The following PTPN1 variants were observed in gnomAD, a reference collection of about 807,000 sequenced individuals.
PTPN1 encodes protein tyrosine phosphatase non-receptor type 1, also known as tyrosine-protein phosphatase non-receptor type 1.
Under a neutral mutation model 59.9 loss-of-function variants are expected in PTPN1, and 12 were observed. The observed-to-expected ratio is 0.20, with a 90% CI of 0.13 to 0.32. The LOEUF is 0.32. PTPN1 is among the 10% of genes least tolerant of loss of function. PTPN1 has a pLI of 1.00. For synonymous variants in PTPN1, 178 were observed against 203.6 expected, an observed-to-expected ratio of 0.87 and a Z score of 1.07; for missense variants, 356 against 549.2, an observed-to-expected ratio of 0.65 and a Z score of 3.52.
intron 1 of PTPN1, among the ~76,000 whole-genome samples, chr20:50,533,886 G>A (rs1002485870): frequency 2.0e-5 from 3 of 152,082 alleles, no homozygotes; most frequent in African/African-American, 7.2e-5. Context: ...TAATAGTTAT[G>A]AGCACAGAAG....
At chr20:50,521,572 T>C (rs1026395988) in intron 1 of PTPN1, among the ~76,000 whole-genome samples, 7 of 152,236 alleles carry the variant, frequency 4.6e-5, no homozygotes, top group Non-Finnish European at 8.8e-5. Flanking sequence ...GGGATTGTGC[T>C]AAGCCTCCCC....
At chr20:50,521,474 C>T (rs2082550528) in intron 1 of PTPN1, among the ~76,000 whole-genome samples, 1 of 152,258 alleles carries the variant, frequency 6.6e-6, no homozygotes, top group Admixed American at 6.5e-5. Flanking sequence ...TCAGTCTTCT[C>T]CTGTGTCCTG....
chr20:50,579,621 C>A, intron 7 of PTPN1, 82 bp from the exon 8 acceptor site: 2 of 1,256,352 alleles, frequency 1.6e-6, no homozygotes, highest in Non-Finnish European at 2.3e-6. Flanking sequence ...GCCAAGCCGT[C>A]ACCTCTGCTC....
Position 50,583,996 on chromosome 20 carries a change from C to T in PTPN1, c.*1281C>T, listed in dbSNP as rs750884848. ...GGTGACGGTCCTTTAGGCAGCCTGCCGCCGTCTCTGTCCCGGTTCACCTTG... is the reference window on the plus strand; with the variant it reads ...GGTGACGGTCCTTTAGGCAGCCTGCTGCCGTCTCTGTCCCGGTTCACCTTG... On this transcript the variant is annotated 3_prime_UTR_variant, in exon 10 of 10. Transcript: ENST00000371621. 4 of 152,642 alleles carry T rather than the reference C, an allele frequency of 2.6e-5. No individual in the cohort carries two copies. Among genetic ancestry groups the T allele is most frequent in the Admixed American group, 6.5e-5 (1 of 15,282 alleles). The allele number at this position is 152,642 out of a possible 1,614,324, so 9.5% of individuals were successfully genotyped here. A position where few individuals can be genotyped will look rare whatever the true frequency, so the allele number is the denominator to read the frequency against.
chr20:50,513,472 C>T (rs1437262639), intron 1 of PTPN1, among the ~76,000 whole-genome samples: 4 of 152,082 alleles, frequency 2.6e-5, no homozygotes, highest in East Asian at 3.9e-4. Flanking sequence ...GGGTTGGGTC[C>T]GGTGTTTTGC....
At chr20:50,511,818 A>G (rs2082508775) in intron 1 of PTPN1, among the ~76,000 whole-genome samples, 1 of 152,250 alleles carries the variant, frequency 6.6e-6, no homozygotes, top group African/African-American at 2.4e-5. Context: ...TTACTTGTGT[A>G]AAGGGAGACA....
At chr20:50,552,839 G>A (rs982458777) in intron 1 of PTPN1, among the ~76,000 whole-genome samples, 2 of 151,826 alleles carry the variant, frequency 1.3e-5, no homozygotes, top group Non-Finnish European at 2.9e-5. Context: ...CATGCCGTGC[G>A]TCCTCCTACC....
chr20:50,569,565 TCTGTGTAGACTGTC>T (rs902422069), intron 4 of PTPN1, among the ~76,000 whole-genome samples: 11 of 152,046 alleles, frequency 7.2e-5, no homozygotes, highest in East Asian at 1.9e-4. Flanking sequence ...GTGTAGATTG[TCTGTGTAGACTGTC>T]CTGTGTAGAC....
At position 50,559,422 on chromosome 20, in the gene PTPN1, C is replaced by T. The variant is rs61632137; in HGVS notation, c.64-1941C>T. On this transcript the variant is annotated intron_variant, in intron 1 of 9. Transcript: ENST00000371621. The stretch of plus-strand genomic sequence containing the variant: ...TGTTCTTGCAAAGTCTGAAGCTGTG[C>T]TAATCACCTCATCCTTTGAAAGTGA... 9.1e-3 allele frequency among the ~76,000 whole-genome samples: 1,384 copies of T among 152,294 alleles called. 22 individuals are homozygous for T. The highest frequency in any genetic ancestry group is 0.032 in the African/African-American group (1,313 of 41,554).
rs1235139810 is a variant in PTPN1, at chr20:50,520,367, G to A, written c.63+9777G>A. ...GCCTGGGGGACAAGAGTGAAACTCT[G>A]TCTCAAAAAAAAAAAAAAAATTAAG... is the stretch of plus-strand genomic sequence containing the variant. On this transcript the variant is annotated intron_variant, in intron 1 of 9. Transcript: ENST00000371621. Among the ~76,000 whole-genome samples the A allele has an allele frequency of 6.6e-5, 7 of 106,060 alleles. 1 individual carries two copies. The highest frequency in any genetic ancestry group is 6.5e-4 in the Admixed American group (7 of 10,694). 69.6% of individuals were successfully genotyped at this position (106,060 alleles called of 152,430 possible). A position where few individuals can be genotyped will look rare whatever the true frequency, so the allele number is the denominator to read the frequency against.
rs372657022 is a variant in PTPN1, at chr20:50,582,609, G to T, written c.1285-83G>T. 1.7e-5 allele frequency: 25 copies of T among 1,465,810 alleles called. No homozygotes were observed. The highest frequency in any genetic ancestry group is 2.3e-5 in the Non-Finnish European group (24 of 1,059,870). The allele number at this position is 1,465,810 out of a possible 1,614,324, so 90.8% of individuals were successfully genotyped here. A position where few individuals can be genotyped will look rare whatever the true frequency, so the allele number is the denominator to read the frequency against. On this transcript the variant is annotated intron_variant, in intron 9 of 9. Transcript: ENST00000371621. The surrounding 1 kb of genome is among the most constrained non-coding windows in gnomAD (Gnocchi z 4.2). ...CTCCCTCGGAGGTTGAAGTTGCCGGGGGGTGTGGCCGGGGTCATGCATGAG... is the reference window on the plus strand; with the variant it reads ...CTCCCTCGGAGGTTGAAGTTGCCGGTGGGTGTGGCCGGGGTCATGCATGAG...
At chr20:50,523,087 C>T (rs926192004) in intron 1 of PTPN1, among the ~76,000 whole-genome samples, 1 of 152,046 alleles carries the variant, frequency 6.6e-6, no homozygotes, top group African/African-American at 2.4e-5. Context: ...TTTTTAGTCT[C>T]TATGCCTTAC....
chr20:50,534,912 A>G (rs990910613), intron 1 of PTPN1, among the ~76,000 whole-genome samples: 1 of 148,784 alleles, frequency 6.7e-6, no homozygotes, highest in Non-Finnish European at 1.5e-5. Context: ...TTTATTTTTT[A>G]TAGAGACAGA....
At chr20:50,575,722 C>A (rs1441261407) in intron 5 of PTPN1, among the ~76,000 whole-genome samples, 1 of 152,108 alleles carries the variant, frequency 6.6e-6, no homozygotes, top group African/African-American at 2.4e-5. Flanking sequence ...GCCAGGAGTT[C>A]AAGACCAGCT....
intron 4 of PTPN1, among the ~76,000 whole-genome samples, chr20:50,569,924 A>G (rs746233886): frequency 6.6e-6 from 1 of 152,218 alleles, no homozygotes; most frequent in Non-Finnish European, 1.5e-5. Context: ...TGCGGGGTCC[A>G]GGAGGAGATG....
intron 9 of PTPN1, among the ~76,000 whole-genome samples, chr20:50,581,960 A>C (rs758896933): frequency 6.6e-6 from 1 of 152,180 alleles, no homozygotes; most frequent in Non-Finnish European, 1.5e-5. Context: ...ACTTTTACGA[A>C]TGTAAACTCC....
chr20:50,529,784 T>C (rs1279758473), intron 1 of PTPN1, among the ~76,000 whole-genome samples: 1 of 152,244 alleles, frequency 6.6e-6, no homozygotes, highest in African/African-American at 2.4e-5. Context: ...AGTTGGGCTT[T>C]ATAGCTTTGA....
chr20:50,548,945 T>C (rs2082688681), intron 1 of PTPN1, among the ~76,000 whole-genome samples: 1 of 152,198 alleles, frequency 6.6e-6, no homozygotes, highest in South Asian at 2.1e-4. Context: ...CTTGAACTTG[T>C]GACCTGAAGT....
intron 1 of PTPN1, among the ~76,000 whole-genome samples, chr20:50,542,196 T>C (rs1214562406): frequency 6.6e-6 from 1 of 152,228 alleles, no homozygotes; most frequent in Non-Finnish European, 1.5e-5. Context: ...TTAATATACC[T>C]AGGGGATTGG....
Sources: allele counts gnomAD v4.1 joint callset (sites outside exome capture counted in the v4.1 genomes callset), GRCh38; gene constraint gnomAD v4.1.1; non-coding constraint Gnocchi (gnomAD v3.1); transcripts MANE v1.5; gene names NCBI Gene and HGNC (gene_info 2026-07-23, HGNC 2026-07-21).